The following ECPAS variants were observed in gnomAD, a reference collection of about 807,000 sequenced individuals.
ECPAS encodes proteasome adapter and scaffold protein ECM29.
In ECPAS, 70 loss-of-function variants were observed where a neutral mutation model predicts 255.1. That is an observed-to-expected ratio of 0.27 (90% confidence interval 0.23 to 0.33). The LOEUF (loss-of-function observed/expected upper bound fraction) is 0.33. Among genes scored for constraint, ECPAS ranks in the 10% least tolerant of loss-of-function variants. ECPAS has a pLI of 1.00. For missense variants in ECPAS, 1,817 were observed against 2,206.4 expected (o/e 0.82, Z 3.54); for synonymous variants, 784 against 775.0 (o/e 1.01, Z -0.19).
chr9:111,366,112 A>G (rs1207648343), intron 48 of ECPAS, 127 bp downstream of exon 48: 8 of 627,000 alleles, frequency 1.3e-5, no homozygotes, highest in African/African-American at 9.2e-5. Flanking sequence ...ATGGAGTATA[A>G]TAAGTAGCAG....
intron 4 of ECPAS, 58 bp downstream of exon 4, chr9:111,444,320 T>C (rs1274829749): frequency 1.7e-6 from 2 of 1,188,796 alleles, no homozygotes; most frequent in African/African-American, 3.1e-5. Context: ...TGACATCTAA[T>C]AAATGTTAGG....
At chr9:111,439,812 G>A (rs1281908791) in intron 6 of ECPAS, among the ~76,000 whole-genome samples, 3 of 151,970 alleles carry the variant, frequency 2.0e-5, no homozygotes, top group Non-Finnish European at 4.4e-5. Flanking sequence ...GAGATTTGAA[G>A]AAGTGGAGCC....
chr9:111,378,490 G>C lies in ECPAS; in HGVS notation c.3954+90C>G, dbSNP rs777703044. The C allele has an allele frequency of 1.1e-5, 15 of 1,332,992 alleles. No individual in the cohort carries two copies. In the South Asian group the frequency reaches 1.5e-4, roughly 13 times the overall value. The allele number at this position is 1,332,992 out of a possible 1,614,324, so 82.6% of individuals were successfully genotyped here. A position where few individuals can be genotyped will look rare whatever the true frequency, so the allele number is the denominator to read the frequency against. On this transcript the variant is annotated intron_variant, in intron 36 of 49. Coordinates refer to ENST00000684092, the MANE Select transcript of ECPAS (RefSeq NM_001364929.1). ...TGACAGAGGGTGAGTTCTGGTAACA[G>C]TAGTGACAGTGTCATTCAAATGAAC...
At chr9:111,411,295 G>A (rs933976157) in intron 21 of ECPAS, among the ~76,000 whole-genome samples, 153 bp from the exon 22 acceptor site, 1 of 152,154 alleles carries the variant, frequency 6.6e-6, no homozygotes, top group African/African-American at 2.4e-5. Flanking sequence ...GGATGCTAAT[G>A]CATCGAGCTT....
At chr9:111,394,073 G>T in intron 26 of ECPAS, 87 bp downstream of exon 26, 2 of 1,266,464 alleles carry the variant, frequency 1.6e-6, no homozygotes, top group Non-Finnish European at 2.1e-6. Flanking sequence ...CCTACTATTG[G>T]TTAATGACCT....
At chr9:111,456,023 T>C (rs1010252223) in intron 2 of ECPAS, among the ~76,000 whole-genome samples, 1 of 152,214 alleles carries the variant, frequency 6.6e-6, no homozygotes, top group South Asian at 2.1e-4. Flanking sequence ...TTCTTTCAAG[T>C]ACACTTATGA....
At chr9:111,437,498 AAGG>A (rs1171363833) in intron 6 of ECPAS, among the ~76,000 whole-genome samples, 1 of 152,178 alleles carries the variant, frequency 6.6e-6, no homozygotes, top group Non-Finnish European at 1.5e-5. Context: ...ACTATACCCA[AAGG>A]AGAGTATTTT....
chr9:111,451,369 T>C, intron 3 of ECPAS, 56 bp downstream of exon 3: 1 of 1,494,936 alleles, frequency 6.7e-7, no homozygotes, highest in Non-Finnish European at 9.0e-7. Flanking sequence ...ACTCACTTGA[T>C]AATGTATATT....
chr9:111,430,037 G>A lies in ECPAS; in HGVS notation c.930+510C>T, dbSNP rs371180568. On this transcript the variant is annotated intron_variant, in intron 9 of 49. Transcript: ENST00000684092. ...GTCTGCAAACTATAGCCCACAGTCC[G>A]AATCTGGCCCACCATTTATTCTGAT... is the stretch of plus-strand genomic sequence containing the variant. Among the ~76,000 whole-genome samples the A allele has an allele frequency of 1.4e-4, 21 of 152,272 alleles. No homozygotes were observed. The South Asian group carries it at 2.9e-3, about 21-fold the overall frequency.
intron 9 of ECPAS, among the ~76,000 whole-genome samples, chr9:111,429,517 G>GAAGA (rs766744787): frequency 2.0e-5 from 3 of 152,108 alleles, no homozygotes; most frequent in Non-Finnish European, 4.4e-5. Flanking sequence ...TTTTCTACAT[G>GAAGA]AAGAACATGA....
At chr9:111,376,584 T>A in intron 36 of ECPAS, 43 bp from the exon 37 acceptor site, 2 of 1,464,602 alleles carry the variant, frequency 1.4e-6, no homozygotes, top group Non-Finnish European at 9.4e-7. Flanking sequence ...TTCAATTAAT[T>A]AGGAATAATC....
chr9:111,401,763 A>C (rs1414369184), intron 24 of ECPAS, among the ~76,000 whole-genome samples: 1 of 152,244 alleles, frequency 6.6e-6, no homozygotes, highest in Non-Finnish European at 1.5e-5. Context: ...GAAAAGAATT[A>C]AGTGATACTT....
At chr9:111,365,407 T>C in intron 48 of ECPAS, 1 of 156,370 alleles carries the variant, frequency 6.4e-6, no homozygotes. Context: ...GGCTCATGCC[T>C]ATAACTCCAG....
intron 2 of ECPAS, among the ~76,000 whole-genome samples, chr9:111,468,843 A>G (rs1284661062): frequency 1.3e-5 from 2 of 152,208 alleles, no homozygotes; most frequent in Non-Finnish European, 2.9e-5. Flanking sequence ...TCTGACAGTC[A>G]GTACAATTAG....
intron 2 of ECPAS, among the ~76,000 whole-genome samples, chr9:111,461,944 A>G (rs1463169350): frequency 6.6e-6 from 1 of 152,212 alleles, no homozygotes; most frequent in Non-Finnish European, 1.5e-5. Context: ...CCCACTCGCT[A>G]TCACGAGAAC....
At chr9:111,370,695 T>C (rs775714388) in intron 44 of ECPAS, 27 bp downstream of exon 44, 5 of 1,606,310 alleles carry the variant, frequency 3.1e-6, no homozygotes, top group East Asian at 2.2e-5. Context: ...GTTTAAGAAA[T>C]GGCATCTTCA....
intron 2 of ECPAS, among the ~76,000 whole-genome samples, chr9:111,466,885 C>T (rs1207665859): frequency 1.3e-5 from 2 of 152,328 alleles, no homozygotes; most frequent in African/African-American, 2.4e-5. Flanking sequence ...GCTGGGATTA[C>T]AGGCGTGAGC....
chr9:111,467,328 CAAGAA>C (rs1377821593), intron 2 of ECPAS, among the ~76,000 whole-genome samples: 4 of 152,082 alleles, frequency 2.6e-5, no homozygotes, highest in Non-Finnish European at 1.5e-5. Context: ...TAAAATTATA[CAAGAA>C]AAGTATACTA....
intron 23 of ECPAS, 34 bp from the exon 24 acceptor site, chr9:111,408,706 G>A (rs1457532378): frequency 1.5e-6 from 2 of 1,362,186 alleles, no homozygotes; most frequent in African/African-American, 1.5e-5. Context: ...CTTTTAAACA[G>A]AGTATATAAT....
Sources: allele counts gnomAD v4.1 joint callset (sites outside exome capture counted in the v4.1 genomes callset), GRCh38; gene constraint gnomAD v4.1.1; transcripts MANE v1.5; gene names NCBI Gene and HGNC (gene_info 2026-07-23, HGNC 2026-07-21).